Variants in TENM4 observed in about 807,000 individuals in gnomAD.
The protein encoded by TENM4 is teneurin-4.
In TENM4, 82 loss-of-function variants were observed where a neutral mutation model predicts 243.3. That is an observed-to-expected ratio of 0.34 (90% confidence interval 0.28 to 0.40). The LOEUF is 0.40. TENM4 is among the 10% of genes least tolerant of loss of function. The pLI is 1.00. For missense variants in TENM4, 3,138 were observed against 3,673.3 expected, an observed-to-expected ratio of 0.85 and a Z score of 3.77; for synonymous variants, 1,412 against 1,456.3, an observed-to-expected ratio of 0.97 and a Z score of 0.69.
chr11:79,022,443 T>A (rs1266347300), intron 6 of TENM4, among the ~76,000 whole-genome samples: 2 of 152,100 alleles, frequency 1.3e-5, no homozygotes, highest in Non-Finnish European at 2.9e-5. Context: ...TTTGTGCAGA[T>A]TTGTGATTAA....
chr11:78,905,380 A>G (rs190984842), intron 6 of TENM4, among the ~76,000 whole-genome samples: 17 of 152,314 alleles, frequency 1.1e-4, no homozygotes, highest in Non-Finnish European at 1.9e-4. Context: ...TACAAAGCCA[A>G]TCTGGTGGGG....
At chr11:78,982,997 C>T (rs1051983798) in intron 6 of TENM4, among the ~76,000 whole-genome samples, 6 of 152,198 alleles carry the variant, frequency 3.9e-5, no homozygotes, top group East Asian at 1.9e-4. Flanking sequence ...GTGACCTTTC[C>T]CGAGGCACTT....
At chr11:78,793,806 C>T (rs1857108237) in intron 15 of TENM4, among the ~76,000 whole-genome samples, 2 of 152,194 alleles carry the variant, frequency 1.3e-5, no homozygotes, top group South Asian at 4.1e-4. Flanking sequence ...AGGTACTTAG[C>T]TAGAAATGAA....
chr11:79,285,422 C>G (rs556215250), intron 2 of TENM4, among the ~76,000 whole-genome samples: 73 of 152,096 alleles, frequency 4.8e-4, no homozygotes, highest in African/African-American at 1.7e-3. Context: ...TGTGAAATGG[C>G]GTAGCTATAT....
intron 4 of TENM4, among the ~76,000 whole-genome samples, chr11:79,110,514 A>T (rs1002655646): frequency 2.6e-5 from 4 of 152,218 alleles, no homozygotes; most frequent in Admixed American, 6.5e-5. Context: ...AAGATGGGTC[A>T]TGAGGATTTT....
At chr11:79,212,204 G>T (rs139899044) in intron 3 of TENM4, among the ~76,000 whole-genome samples, 85 of 152,272 alleles carry the variant, frequency 5.6e-4, no homozygotes, top group African/African-American at 1.9e-3. Context: ...TGTAGCAGAT[G>T]GTCAATGCTT....
At chr11:78,862,700 C>T (rs1193486487) in intron 10 of TENM4, among the ~76,000 whole-genome samples, 2 of 152,228 alleles carry the variant, frequency 1.3e-5, no homozygotes, top group Admixed American at 6.5e-5. Flanking sequence ...GCCCCTAATG[C>T]TTCCCTCAAG....
chr11:79,139,125 T>C (rs1399535061), intron 4 of TENM4, among the ~76,000 whole-genome samples: 1,397 of 68,230 alleles, frequency 0.02, 277 homozygotes, highest in African/African-American at 0.036. Context: ...TTTCTATAAA[T>C]ATATATTATA....
chr11:78,706,635 G>A (rs1028763052), intron 27 of TENM4, among the ~76,000 whole-genome samples: 1 of 152,190 alleles, frequency 6.6e-6, no homozygotes, highest in African/African-American at 2.4e-5. Context: ...ATCTAAGTGT[G>A]GGTTTTAGCA....
intron 4 of TENM4, among the ~76,000 whole-genome samples, chr11:79,105,385 C>T (rs1210604282): frequency 6.6e-6 from 1 of 152,254 alleles, no homozygotes; most frequent in African/African-American, 2.4e-5. Context: ...TGTGGAAACA[C>T]TGACTTCTCA....
chr11:78,793,548 A>T (rs1857102514), intron 15 of TENM4, among the ~76,000 whole-genome samples: 1 of 152,198 alleles, frequency 6.6e-6, no homozygotes, highest in African/African-American at 2.4e-5. Flanking sequence ...TCACTAGCTC[A>T]TCTGAGTTAC....
chr11:78,890,422 G>C (rs1276026920), intron 8 of TENM4, among the ~76,000 whole-genome samples: 9 of 152,196 alleles, frequency 5.9e-5, no homozygotes, highest in Non-Finnish European at 1.3e-4. Context: ...AAATCCTGTT[G>C]TGTACCCTGG....
intron 1 of TENM4, among the ~76,000 whole-genome samples, chr11:79,428,931 A>G (rs981875800): frequency 5.9e-5 from 9 of 152,198 alleles, no homozygotes; most frequent in Non-Finnish European, 1.0e-4. Flanking sequence ...TCACCTGGGC[A>G]GCTTTACAGA....
At chr11:79,439,419 T>A (rs1444291131) in intron 1 of TENM4, among the ~76,000 whole-genome samples, 2 of 152,088 alleles carry the variant, frequency 1.3e-5, no homozygotes, top group African/African-American at 4.8e-5. Context: ...CTCATCCACA[T>A]GGACGCGGGT....
At chr11:79,107,052 T>G (rs1325450242) in intron 4 of TENM4, among the ~76,000 whole-genome samples, 1 of 152,146 alleles carries the variant, frequency 6.6e-6, no homozygotes, top group Non-Finnish European at 1.5e-5. Context: ...AGTACAATCC[T>G]AGGAGGAAGT....
intron 1 of TENM4, among the ~76,000 whole-genome samples, chr11:79,346,805 C>T (rs1448217654): frequency 6.6e-6 from 1 of 152,174 alleles, no homozygotes; most frequent in East Asian, 1.9e-4. Flanking sequence ...CCCCCAACTG[C>T]CTCAAGGCCA....
At chr11:79,176,140 A>G (rs1863154225) in intron 3 of TENM4, among the ~76,000 whole-genome samples, 2 of 152,188 alleles carry the variant, frequency 1.3e-5, no homozygotes, top group South Asian at 4.1e-4. Flanking sequence ...GAGATGTGCT[A>G]CTCAGATGTT....
At chr11:79,112,555 A>T (rs1330256782) in intron 4 of TENM4, among the ~76,000 whole-genome samples, 1 of 152,150 alleles carries the variant, frequency 6.6e-6, no homozygotes, top group East Asian at 1.9e-4. Flanking sequence ...ACCACTGGTC[A>T]GTTCAGGTCA....
chr11:79,393,965 C>A (rs1274977362), intron 1 of TENM4, among the ~76,000 whole-genome samples: 1 of 152,030 alleles, frequency 6.6e-6, no homozygotes, highest in Non-Finnish European at 1.5e-5. Flanking sequence ...GGGAGGGGAG[C>A]AGACGAGAGG....
Sources: gnomAD v4.1 joint callset for allele counts (sites outside exome capture counted in the v4.1 genomes callset) on GRCh38, gnomAD v4.1.1 for gene constraint, MANE v1.5 for transcripts, NCBI Gene and HGNC (gene_info 2026-07-23, HGNC 2026-07-21) for gene names.